Variants in ACBD6 observed in about 807,000 individuals in gnomAD.
ACBD6 encodes the protein acyl-CoA binding domain containing 6.
A neutral mutation model predicts 37.2 loss-of-function variants in ACBD6; 28 were observed. That is an observed-to-expected ratio of 0.75 (90% CI 0.56 to 1.03). ACBD6 has a LOEUF of 1.03. Ranked by LOEUF, ACBD6 falls within the 50% of genes least tolerant of loss-of-function variation. The probability of loss-of-function intolerance (pLI) is 0.00; values close to 1 mark genes in which losing one functional copy is unlikely to be tolerated. For missense variants in ACBD6, 340 were observed against 337.4 expected (o/e 1.01, Z -0.06); for synonymous variants, 113 against 126.8 (o/e 0.89, Z 0.73).
rs369174314 is a variant in ACBD6 at position 180,274,522 on chromosome 1, C to T, written c.*936+129G>A. ...CCACAGGAAGCAGTGTAGGCTATCC[C>T]GACTTTCCAACTAGCCCAGGCTCTT... On this transcript the variant is annotated intron_variant, in intron 10 of 13. Coordinates refer to the ACBD6 transcript ENST00000642319. The T allele has an allele frequency of 4.4e-5, 70 of 1,607,122 alleles. No individual in the cohort carries two copies. The highest frequency in any genetic ancestry group is 2.3e-4 in the African/African-American group (17 of 74,972).
At chr1:180,336,791 C>T (rs967182300) in intron 6 of ACBD6, among the ~76,000 whole-genome samples, 4 of 152,058 alleles carry the variant, frequency 2.6e-5, no homozygotes, top group Non-Finnish European at 4.4e-5. Flanking sequence ...AGAGAAGAAT[C>T]AAATAGATGC....
chr1:180,373,449 T>C (rs1571422284), intron 6 of ACBD6, among the ~76,000 whole-genome samples: 1 of 152,228 alleles, frequency 6.6e-6, no homozygotes, highest in African/African-American at 2.4e-5. Context: ...TACTAGCCTT[T>C]ACCTAAATGC....
chr1:180,462,950 A>C (rs555681745), intron 3 of ACBD6, among the ~76,000 whole-genome samples: 1 of 152,230 alleles, frequency 6.6e-6, no homozygotes, highest in South Asian at 2.1e-4. Context: ...AATTACATGG[A>C]AATTAAATAC....
chr1:180,290,256 A>G (rs1417040068), intron 7 of ACBD6, among the ~76,000 whole-genome samples: 1 of 152,092 alleles, frequency 6.6e-6, no homozygotes, highest in African/African-American at 2.4e-5. Context: ...TGGCGAGATC[A>G]TGGCTCACTG....
At chr1:180,477,431 C>T (rs1253207951) in intron 3 of ACBD6, among the ~76,000 whole-genome samples, 1 of 152,114 alleles carries the variant, frequency 6.6e-6, no homozygotes, top group Non-Finnish European at 1.5e-5. Context: ...GTAGGATAGA[C>T]CATTAAATGT....
chr1:180,501,966 C>T, intron 1 of ACBD6, 79 bp downstream of exon 1: 1 of 1,388,240 alleles, frequency 7.2e-7, no homozygotes, highest in Non-Finnish European at 1.0e-6. Flanking sequence ...AGCTATTAAC[C>T]ATACATGCTT....
chr1:180,449,807 A>G (rs1571526647), intron 3 of ACBD6, among the ~76,000 whole-genome samples: 1 of 151,736 alleles, frequency 6.6e-6, no homozygotes, highest in Non-Finnish European at 1.5e-5. Context: ...GAAACACCTA[A>G]TGCAAATGAC....
chr1:180,446,670 C>T (rs10798767), intron 3 of ACBD6, among the ~76,000 whole-genome samples: 125,048 of 152,152 alleles, frequency 0.82, 51,783 homozygotes, highest in Non-Finnish European at 0.88. Flanking sequence ...ACTCCATAAA[C>T]GTATGTTTTT....
At chr1:180,312,311 AG>A (rs1415097419) in intron 7 of ACBD6, among the ~76,000 whole-genome samples, 1 of 152,114 alleles carries the variant, frequency 6.6e-6, no homozygotes. Flanking sequence ...GTTGAGTCCT[AG>A]GATTTTGTTG....
intron 7 of ACBD6, among the ~76,000 whole-genome samples, chr1:180,295,005 T>C (rs1374894561): frequency 2.6e-5 from 4 of 152,216 alleles, no homozygotes; most frequent in African/African-American, 9.6e-5. Flanking sequence ...AGCCTGTTTC[T>C]TCTCTTTTTT....
chr1:180,281,414 G>C (rs1649304539), intron 8 of ACBD6: 1 of 152,182 alleles, frequency 6.6e-6, no homozygotes, highest in South Asian at 2.1e-4. Context: ...AAAAAGAAAT[G>C]AAAGGCAAGT....
At chr1:180,385,303 T>G (rs1041646529) in intron 6 of ACBD6, among the ~76,000 whole-genome samples, 1 of 150,366 alleles carries the variant, frequency 6.7e-6, no homozygotes, top group Non-Finnish European at 1.5e-5. Context: ...AGAAAACAAA[T>G]AGCAAGCTGG....
chr1:180,396,776 T>C (rs1398553346), intron 6 of ACBD6, among the ~76,000 whole-genome samples: 2 of 152,152 alleles, frequency 1.3e-5, no homozygotes, highest in Non-Finnish European at 2.9e-5. Context: ...AATAGTTATT[T>C]TTAAAAAAGC....
intron 7 of ACBD6, among the ~76,000 whole-genome samples, chr1:180,291,484 T>A (rs1339650151): frequency 1.3e-5 from 2 of 152,222 alleles, no homozygotes; most frequent in Admixed American, 6.5e-5. Context: ...ACATTTCTCA[T>A]GTGCTTATCT....
At chr1:180,274,574 T>C in intron 10 of ACBD6, 1 of 1,571,696 alleles carries the variant, frequency 6.4e-7, no homozygotes, top group African/African-American at 1.3e-5. Flanking sequence ...TCATCCTCCT[T>C]TTTAAACTTC....
intron 7 of ACBD6, among the ~76,000 whole-genome samples, chr1:180,314,167 C>T (rs894564262): frequency 1.3e-5 from 2 of 152,168 alleles, no homozygotes; most frequent in African/African-American, 4.8e-5. Context: ...AGCACGGTCT[C>T]TATTTCTGTT....
At chr1:180,288,146 T>C (rs1649563823), downstream of ACBD6, 1 of 569,712 alleles carries the variant, frequency 1.8e-6, no homozygotes, top group Non-Finnish European at 3.0e-6. Context: ...AATTGGATTA[T>C]ATTATGCACA....
intron 6 of ACBD6, among the ~76,000 whole-genome samples, chr1:180,330,254 A>ATTTT (rs58036413): frequency 1.4e-5 from 2 of 143,460 alleles, no homozygotes; most frequent in African/African-American, 5.1e-5. Context: ...CTCTATAAGA[A>ATTTT]TTTTTTTTTT....
intron 3 of ACBD6, among the ~76,000 whole-genome samples, chr1:180,432,925 C>T (rs1266902007): frequency 2.0e-5 from 3 of 151,576 alleles, no homozygotes; most frequent in Non-Finnish European, 2.9e-5. Context: ...AAAAAAACTT[C>T]CCTACAAAGA....
Sources: gnomAD v4.1 joint callset for allele counts (sites outside exome capture counted in the v4.1 genomes callset) on GRCh38, gnomAD v4.1.1 for gene constraint, MANE v1.5 for transcripts, NCBI Gene and HGNC (gene_info 2026-07-23, HGNC 2026-07-21) for gene names.